The following SPTSSB variants were observed in gnomAD, a reference collection of about 807,000 sequenced individuals.
SPTSSB encodes androgen down regulated in mouse prostate.
A neutral mutation model predicts 7.7 loss-of-function variants in SPTSSB; 6 were observed. That is an observed-to-expected ratio of 0.78 (90% confidence interval 0.43 to 1.54). SPTSSB has a LOEUF of 1.54. Ranked by LOEUF, SPTSSB falls within the 40% of genes most tolerant of loss-of-function variation. The pLI is 0.01. For synonymous variants in SPTSSB, 28 were observed against 29.7 expected, an observed-to-expected ratio of 0.94 and a Z score of 0.19; for missense variants, 91 against 93.0, an observed-to-expected ratio of 0.98 and a Z score of 0.09.
intron 2 of SPTSSB, among the ~76,000 whole-genome samples, chr3:161,351,436 A>G (rs1714531951): frequency 6.6e-6 from 1 of 152,174 alleles, no homozygotes; most frequent in Non-Finnish European, 1.5e-5. Flanking sequence ...ACTTTGCTGA[A>G]GCTTTACTTC....
chr3:161,368,495 C>T (rs58557417), intron 1 of SPTSSB, among the ~76,000 whole-genome samples: 6,748 of 150,064 alleles, frequency 0.045, 218 homozygotes, highest in African/African-American at 0.089. Context: ...GGCGGGATCT[C>T]GGCTCACTGC....
At chr3:161,370,708 AT>A (rs1715471899) in intron 1 of SPTSSB, among the ~76,000 whole-genome samples, 1 of 152,182 alleles carries the variant, frequency 6.6e-6, no homozygotes, top group African/African-American at 2.4e-5. Flanking sequence ...TCCTTATGTG[AT>A]TGTGGACTGG....
At chr3:161,355,858 A>G (rs1714748370) in intron 2 of SPTSSB, among the ~76,000 whole-genome samples, 1 of 152,358 alleles carries the variant, frequency 6.6e-6, no homozygotes, top group South Asian at 2.1e-4. Flanking sequence ...TAAACATTTT[A>G]AGAAATCAAT....
At chr3:161,354,616 GATTA>G (rs1209928499) in intron 2 of SPTSSB, among the ~76,000 whole-genome samples, 2 of 152,212 alleles carry the variant, frequency 1.3e-5, no homozygotes, top group African/African-American at 4.8e-5. Flanking sequence ...ATAGTGATGG[GATTA>G]CAGGCGTGAG....
intron 1 of SPTSSB, among the ~76,000 whole-genome samples, chr3:161,369,385 CTTTTTTTTT>C (rs71149710): frequency 1.3e-4 from 4 of 29,652 alleles, no homozygotes; most frequent in African/African-American, 4.0e-4. Context: ...TCTTTCTTTC[CTTTTTTTTT>C]TTTTTTTTTT....
chr3:161,353,567 C>T (rs1165472484), intron 2 of SPTSSB, among the ~76,000 whole-genome samples: 1 of 151,968 alleles, frequency 6.6e-6, no homozygotes, highest in Non-Finnish European at 1.5e-5. Flanking sequence ...CTGTGCACTG[C>T]ACAACCAATG....
chr3:161,363,150 A>C (rs1228050934), intron 1 of SPTSSB, among the ~76,000 whole-genome samples: 1 of 151,780 alleles, frequency 6.6e-6, no homozygotes, highest in Admixed American at 6.6e-5. Context: ...GTTTAGCTTA[A>C]AAGATTTTAG....
At chr3:161,354,607 T>C (rs1714686965) in intron 2 of SPTSSB, among the ~76,000 whole-genome samples, 1 of 152,222 alleles carries the variant, frequency 6.6e-6, no homozygotes, top group Non-Finnish European at 1.5e-5. Context: ...TGACCTCCCA[T>C]AGTGATGGGA....
chr3:161,356,008 C>T (rs765968686), intron 2 of SPTSSB, among the ~76,000 whole-genome samples: 2 of 152,124 alleles, frequency 1.3e-5, no homozygotes, highest in South Asian at 2.1e-4. Flanking sequence ...AAAATCACAT[C>T]GATGTACCAT....
At chr3:161,369,320 CTTTCTT>C in intron 1 of SPTSSB, among the ~76,000 whole-genome samples, 3 of 61,614 alleles carry the variant, frequency 4.9e-5, no homozygotes, top group Non-Finnish European at 9.0e-5. Flanking sequence ...CTTTCTCTTT[CTTTCTT>C]TCTTTCTTTC....
Position 161,345,835 on chromosome 3 carries a change from A to G in SPTSSB, c.*258T>C, listed in dbSNP as rs979697095. 3.2e-5 allele frequency: 10 copies of G among 308,322 alleles called. No homozygotes were observed. Among genetic ancestry groups the G allele is most frequent in the Admixed American group, 1.4e-4 (3 of 21,312 alleles). The allele number at this position is 308,322 out of a possible 1,614,324, so 19.1% of individuals were successfully genotyped here. ...CTGATTTTAAATAAACTAAATTCAT[A>G]GATTTGTGTTGACAGAATATGATTT... On this transcript the variant is annotated 3_prime_UTR_variant, in exon 3 of 3. Coordinates refer to ENST00000620149, the MANE Select transcript of SPTSSB (RefSeq NM_001040100.2).
At chr3:161,347,298 C>A (rs578022026) in intron 2 of SPTSSB, among the ~76,000 whole-genome samples, 1 of 152,190 alleles carries the variant, frequency 6.6e-6, no homozygotes, top group Admixed American at 6.5e-5. Flanking sequence ...CACTCTGCTG[C>A]TTAGGCTAGA....
intron 2 of SPTSSB, among the ~76,000 whole-genome samples, chr3:161,350,505 C>T (rs757399230): frequency 5.9e-5 from 9 of 152,160 alleles, no homozygotes; most frequent in Non-Finnish European, 5.9e-5. Context: ...TGGAACTCTA[C>T]ATCAATCACT....
chr3:161,370,021 C>G (rs1028640868), intron 1 of SPTSSB, among the ~76,000 whole-genome samples: 5 of 152,144 alleles, frequency 3.3e-5, no homozygotes, highest in African/African-American at 9.7e-5. Flanking sequence ...ATTTGAAAAG[C>G]TCTTCACATC....
intron 1 of SPTSSB, among the ~76,000 whole-genome samples, chr3:161,368,142 G>A (rs1487928626): frequency 2.6e-5 from 4 of 152,262 alleles, no homozygotes; most frequent in African/African-American, 9.6e-5. Flanking sequence ...TGTGGTCATT[G>A]GGGAAAAGCC....
chr3:161,363,615 C>A lies in SPTSSB; in HGVS notation c.-125-3721G>T, dbSNP rs570276019. ...AAAAATATAGACAACCATAATTTTA[C>A]CATTTTTAAAAAACTTTGTATATTG... On this transcript the variant is annotated intron_variant, in intron 1 of 2. Transcript: ENST00000620149. 3.4e-3 allele frequency among the ~76,000 whole-genome samples: 510 copies of A among 151,882 alleles called. 3 individuals are homozygous for A. The highest frequency in any genetic ancestry group is 6.8e-3 in the Middle Eastern group (2 of 292).
At chr3:161,359,588 G>C in intron 2 of SPTSSB, 1 of 421,426 alleles carries the variant, frequency 2.4e-6, no homozygotes, top group Non-Finnish European at 3.2e-6. Context: ...AAAGGAACTT[G>C]GAATATCCGT....
intron 2 of SPTSSB, among the ~76,000 whole-genome samples, chr3:161,352,694 G>T (rs965074874): frequency 6.6e-6 from 1 of 152,164 alleles, no homozygotes; most frequent in African/African-American, 2.4e-5. Context: ...GATCATAAAA[G>T]GTGCTTCTGA....
intron 1 of SPTSSB, among the ~76,000 whole-genome samples, chr3:161,361,322 C>T (rs1232325040): frequency 2.6e-5 from 4 of 152,102 alleles, no homozygotes; most frequent in Non-Finnish European, 5.9e-5. Flanking sequence ...ATTGTCCAAG[C>T]AGAGGCTAGA....
Sources: gnomAD v4.1 joint callset for allele counts (sites outside exome capture counted in the v4.1 genomes callset) on GRCh38, gnomAD v4.1.1 for gene constraint, MANE v1.5 for transcripts, NCBI Gene and HGNC (gene_info 2026-07-23, HGNC 2026-07-21) for gene names.